The following DLC1 variants were observed in gnomAD, a reference collection of about 807,000 sequenced individuals.
DLC1 encodes rho GTPase-activating protein 7.
DLC1 carries 54 observed loss-of-function variants against 140.3 expected under a neutral mutation model. The observed-to-expected ratio is 0.38, with a 90% CI of 0.31 to 0.48. The LOEUF (loss-of-function observed/expected upper bound fraction) is 0.48, where lower values mean the gene tolerates loss of function less well. Ranked by LOEUF, DLC1 falls within the 20% of genes least tolerant of loss-of-function variation. DLC1 has a pLI of 0.96. For synonymous variants in DLC1, 986 were observed against 728.1 expected (o/e 1.35, Z -5.70); for missense variants, 2,536 against 1,907.0 (o/e 1.33, Z -6.14).
At chr8:13,112,335 GA>G (rs1301626560) in intron 6 of DLC1, among the ~76,000 whole-genome samples, 1 of 152,096 alleles carries the variant, frequency 6.6e-6, no homozygotes, top group Non-Finnish European at 1.5e-5. Context: ...TTTATGGAAT[GA>G]TATGGAATTT....
chr8:13,228,265 A>G (rs1828885439), intron 5 of DLC1, among the ~76,000 whole-genome samples: 2 of 151,478 alleles, frequency 1.3e-5, no homozygotes, highest in South Asian at 4.2e-4. Context: ...ATTGTGACTC[A>G]TTTCTTTTTA....
intron 5 of DLC1, among the ~76,000 whole-genome samples, chr8:13,187,107 C>T (rs1015188653): frequency 8.5e-5 from 13 of 152,078 alleles, no homozygotes; most frequent in South Asian, 4.1e-4. Context: ...GTATTTCAAA[C>T]GTCACTCACA....
At position 13,208,123 on chromosome 8, in the gene DLC1, C is replaced by T. The variant is rs117644063; in HGVS notation, c.1349-92466G>A. Among the ~76,000 whole-genome samples, 444 of 152,182 alleles carry T rather than the reference C, an allele frequency of 2.9e-3. 7 individuals carry two copies. The East Asian group carries it at 0.04, about 14-fold the overall frequency. ...TAGAAAAGGACTTCTCAGTGAGCAACGTCACATGTATATATCTTTAAGGCT... is the reference window on the plus strand; with the variant it reads ...TAGAAAAGGACTTCTCAGTGAGCAATGTCACATGTATATATCTTTAAGGCT... On this transcript the variant is annotated intron_variant, in intron 5 of 17. Transcript: ENST00000276297.
chr8:13,563,400 C>T (rs1313038283), intron 1 of DLC1, among the ~76,000 whole-genome samples: 2 of 152,062 alleles, frequency 1.3e-5, no homozygotes, highest in African/African-American at 4.8e-5. Context: ...GACAAAAGAA[C>T]ATTATATCCT....
intron 1 of DLC1, chr8:13,566,761 G>A (rs1355591049): frequency 1.9e-6 from 1 of 539,130 alleles, no homozygotes; most frequent in Non-Finnish European, 3.1e-6. Context: ...CAGCGCAAGC[G>A]CAGTGGGCGC....
chr8:13,411,951 G>T (rs1229274918), intron 2 of DLC1, among the ~76,000 whole-genome samples: 1 of 152,016 alleles, frequency 6.6e-6, no homozygotes, highest in Non-Finnish European at 1.5e-5. Context: ...TCATCTGCAA[G>T]AGAAAAGGAG....
intron 2 of DLC1, among the ~76,000 whole-genome samples, chr8:13,411,386 C>T (rs1367694235): frequency 6.6e-6 from 1 of 152,010 alleles, no homozygotes; most frequent in African/African-American, 2.4e-5. Context: ...AAGAAGGCTA[C>T]CAAGAAGGAA....
chr8:13,204,357 C>T (rs144697129), intron 5 of DLC1, among the ~76,000 whole-genome samples: 226 of 152,260 alleles, frequency 1.5e-3, no homozygotes, highest in African/African-American at 5.1e-3. Context: ...CTGTTACTTG[C>T]CGGCCAATGT....
In DLC1 at chr8:13,110,676, T is replaced by C. The variant is rs868419512; in HGVS notation, c.1502+66A>G. ...CAAGAACAAAAGCAAACAAAGCCTA[T>C]CTTTGTGAGAAGTACTGTGTTCTTA... On this transcript the variant is annotated intron_variant, in intron 7 of 17. Coordinates refer to ENST00000276297, the MANE Select transcript of DLC1 (RefSeq NM_182643.3). 98 of 1,447,884 alleles carry C rather than the reference T, an allele frequency of 6.8e-5. No individual in the cohort carries two copies. In the Middle Eastern group the frequency reaches 1.4e-3, roughly 21 times the overall value. 89.7% of individuals were successfully genotyped at this position (1,447,884 alleles called of 1,614,324 possible).
At chr8:13,417,950 T>C (rs546762987) in intron 2 of DLC1, among the ~76,000 whole-genome samples, 2 of 152,342 alleles carry the variant, frequency 1.3e-5, no homozygotes, top group Admixed American at 1.3e-4. Flanking sequence ...TGATTTGCAT[T>C]TCTCTGATGG....
intron 1 of DLC1, among the ~76,000 whole-genome samples, chr8:13,574,864 A>T (rs1328555191): frequency 2.0e-5 from 3 of 152,134 alleles, no homozygotes; most frequent in African/African-American, 4.8e-5. Flanking sequence ...TCCAATTTTA[A>T]ACATGTTAGT....
chr8:13,271,649 A>C (rs1830935667), intron 5 of DLC1, among the ~76,000 whole-genome samples: 1 of 152,088 alleles, frequency 6.6e-6, no homozygotes, highest in Non-Finnish European at 1.5e-5. Flanking sequence ...TAGGCAATTC[A>C]GTTTTTTCTT....
At chr8:13,483,122 A>C (rs577468111) in intron 2 of DLC1, among the ~76,000 whole-genome samples, 1 of 152,140 alleles carries the variant, frequency 6.6e-6, no homozygotes, top group Admixed American at 6.5e-5. Flanking sequence ...TCCTCTACTT[A>C]TGGCTGCATC....
intron 1 of DLC1, among the ~76,000 whole-genome samples, chr8:13,561,875 G>T (rs1164950590): frequency 6.6e-6 from 1 of 152,052 alleles, no homozygotes; most frequent in African/African-American, 2.4e-5. Context: ...ATTAGTCAAA[G>T]AAATTAGATA....
intron 2 of DLC1, among the ~76,000 whole-genome samples, chr8:13,415,563 C>T (rs7005238): frequency 0.53 from 81,154 of 151,696 alleles, 22,343 homozygotes; most frequent in Middle Eastern, 0.62. Flanking sequence ...CCACACCCGG[C>T]TAGTTTTTTG....
At chr8:13,584,862 A>G (rs1426029295) in intron 1 of DLC1, among the ~76,000 whole-genome samples, 1 of 152,242 alleles carries the variant, frequency 6.6e-6, no homozygotes, top group East Asian at 1.9e-4. Flanking sequence ...AGGTCTCAAA[A>G]CCACATTATA....
intron 5 of DLC1, among the ~76,000 whole-genome samples, chr8:13,205,459 T>C (rs1424311152): frequency 6.6e-6 from 1 of 152,072 alleles, no homozygotes; most frequent in Non-Finnish European, 1.5e-5. Flanking sequence ...CATAAATGAG[T>C]TGGCCAAGTC....
intron 3 of DLC1, among the ~76,000 whole-genome samples, chr8:13,398,874 T>C (rs913355704): frequency 3.3e-5 from 5 of 152,154 alleles, no homozygotes; most frequent in Non-Finnish European, 5.9e-5. Context: ...CCTATAGCTA[T>C]TTGCAGGTGT....
At chr8:13,204,122 G>C (rs1827539787) in intron 5 of DLC1, among the ~76,000 whole-genome samples, 1 of 152,164 alleles carries the variant, frequency 6.6e-6, no homozygotes, top group Non-Finnish European at 1.5e-5. Flanking sequence ...AAAAAAGACT[G>C]TTCTGTTAAG....
Sources: gnomAD v4.1 joint callset for allele counts (sites outside exome capture counted in the v4.1 genomes callset) on GRCh38, gnomAD v4.1.1 for gene constraint, MANE v1.5 for transcripts, NCBI Gene and HGNC (gene_info 2026-07-23, HGNC 2026-07-21) for gene names.